The following SRGAP3 variants were observed in gnomAD, a reference collection of about 807,000 sequenced individuals.
SRGAP3 encodes the protein SLIT-ROBO Rho GTPase-activating protein 3.
In SRGAP3, 39 loss-of-function variants were observed where a neutral mutation model predicts 121.1. The observed-to-expected ratio is 0.32, with a 90% CI of 0.25 to 0.42. The LOEUF is 0.42. Among genes scored for constraint, SRGAP3 ranks in the 10% least tolerant of loss-of-function variants. The pLI is 1.00. For synonymous variants in SRGAP3, 601 were observed against 570.0 expected (o/e 1.05, Z -0.77); for missense variants, 1,213 against 1,470.6 (o/e 0.82, Z 2.86).
At position 9,334,538 on chromosome 3, in the gene SRGAP3, A is replaced by G. The variant is rs1297717726; in HGVS notation, n.215-3942T>C. On this transcript the variant is annotated intron_variant and non_coding_transcript_variant, in intron 1 of 3. Coordinates refer to the SRGAP3 transcript ENST00000490889. ...GGATACTATGGAAACAGAGTGGGTA[A>G]TAACATGAGTAATCATCTCTCATTA... 2.0e-5 allele frequency among the ~76,000 whole-genome samples: 3 copies of G among 152,244 alleles called. No individual in the cohort carries two copies. In the East Asian group the frequency reaches 5.8e-4, roughly 29 times the overall value.
chr3:9,092,141 C>T (rs927973323), intron 3 of SRGAP3, among the ~76,000 whole-genome samples: 1 of 152,078 alleles, frequency 6.6e-6, no homozygotes, highest in Non-Finnish European at 1.5e-5. Flanking sequence ...CAATTACTCC[C>T]AGGCTTACTT....
chr3:9,028,764 C>T (rs1944335535), intron 12 of SRGAP3, among the ~76,000 whole-genome samples: 1 of 152,148 alleles, frequency 6.6e-6, no homozygotes, highest in Non-Finnish European at 1.5e-5. Context: ...CTTGGGTATC[C>T]ACTTGGCTTT....
At chr3:9,305,871 C>T (rs958006064) in intron 3 of SRGAP3, among the ~76,000 whole-genome samples, 2 of 152,144 alleles carry the variant, frequency 1.3e-5, no homozygotes, top group African/African-American at 2.4e-5. Flanking sequence ...AATAAACATA[C>T]GTGTGCATGT....
intron 1 of SRGAP3, among the ~76,000 whole-genome samples, chr3:9,136,331 A>T (rs1949649967): frequency 7.3e-5 from 11 of 150,518 alleles, no homozygotes; most frequent in Admixed American, 5.3e-4. Flanking sequence ...CCGGGGCTGG[A>T]GGCAGCAGAT....
At chr3:9,129,818 G>A (rs1949376899) in intron 1 of SRGAP3, among the ~76,000 whole-genome samples, 1 of 151,272 alleles carries the variant, frequency 6.6e-6, no homozygotes, top group Non-Finnish European at 1.5e-5. Flanking sequence ...CTGGAGTGCA[G>A]TGGCGCCATC....
chr3:9,245,452 T>A (rs1953784710), intron 1 of SRGAP3, among the ~76,000 whole-genome samples: 1 of 152,290 alleles, frequency 6.6e-6, no homozygotes, highest in Non-Finnish European at 1.5e-5. Flanking sequence ...TGGTAAGTGG[T>A]AGCGAACCAT....
chr3:9,110,553 C>A (rs1001197798), intron 2 of SRGAP3, among the ~76,000 whole-genome samples: 15 of 152,224 alleles, frequency 9.9e-5, no homozygotes, highest in African/African-American at 2.9e-4. Flanking sequence ...GGTGGCGCCT[C>A]CCCTCCTGCT....
intron 1 of SRGAP3, among the ~76,000 whole-genome samples, chr3:9,156,050 C>T (rs2675180): frequency 0.44 from 66,798 of 151,552 alleles, 15,121 homozygotes; most frequent in Non-Finnish European, 0.49. Context: ...CTCCTGACCT[C>T]GTGATCCACC....
intron 1 of SRGAP3, among the ~76,000 whole-genome samples, chr3:9,126,517 C>G (rs571578651): frequency 7.1e-4 from 108 of 152,246 alleles, no homozygotes; most frequent in Non-Finnish European, 1.2e-3. Context: ...GGAGTCCCAG[C>G]TACTCTGGAG....
At chr3:9,273,376 T>C (rs572101704) in intron 3 of SRGAP3, among the ~76,000 whole-genome samples, 34 of 152,350 alleles carry the variant, frequency 2.2e-4, no homozygotes, top group African/African-American at 8.2e-4. Flanking sequence ...CATGTGCTTA[T>C]TGGACATTTA....
intron 1 of SRGAP3, among the ~76,000 whole-genome samples, chr3:9,133,714 G>A (rs971218463): frequency 2.6e-5 from 4 of 152,144 alleles, no homozygotes; most frequent in African/African-American, 9.7e-5. Flanking sequence ...TATATAATAA[G>A]TTCTTAAAGC....
At chr3:9,344,510 T>C (rs937224058) in intron 1 of SRGAP3, among the ~76,000 whole-genome samples, 3 of 151,986 alleles carry the variant, frequency 2.0e-5, no homozygotes, top group African/African-American at 7.3e-5. Flanking sequence ...CAGGCACCTA[T>C]AATCCCCAGT....
chr3:9,072,132 G>GTA (rs1946751190), intron 4 of SRGAP3, among the ~76,000 whole-genome samples: 1 of 152,176 alleles, frequency 6.6e-6, no homozygotes, highest in Non-Finnish European at 1.5e-5. Flanking sequence ...CAACCGGCCA[G>GTA]GCTCAGTGCA....
chr3:9,279,120 G>C (rs943000699), intron 3 of SRGAP3, among the ~76,000 whole-genome samples: 2 of 152,082 alleles, frequency 1.3e-5, no homozygotes, highest in African/African-American at 4.8e-5. Flanking sequence ...AAAAAAAAGG[G>C]GGGGATATAT....
intron 1 of SRGAP3, among the ~76,000 whole-genome samples, chr3:9,170,667 C>A (rs1057371822): frequency 2.6e-5 from 4 of 152,196 alleles, no homozygotes; most frequent in Non-Finnish European, 5.9e-5. Flanking sequence ...CCCAGCATAC[C>A]CTTTCCTCTG....
intron 1 of SRGAP3, among the ~76,000 whole-genome samples, chr3:9,243,650 G>T (rs1205846332): frequency 9.9e-6 from 1 of 101,130 alleles, no homozygotes; most frequent in Admixed American, 1.1e-4. Context: ...AAAAAAAAAA[G>T]AGAGAGAGAG....
intron 1 of SRGAP3, among the ~76,000 whole-genome samples, chr3:9,336,888 TTC>T (rs752928352): frequency 6.6e-5 from 10 of 151,854 alleles, no homozygotes; most frequent in Admixed American, 1.3e-4. Context: ...GGCTGCCAAT[TTC>T]TCTCTCTCTC....
chr3:9,076,043 G>T (rs764055111), intron 4 of SRGAP3, among the ~76,000 whole-genome samples: 4 of 152,296 alleles, frequency 2.6e-5, no homozygotes, highest in Middle Eastern at 3.4e-3. Context: ...ACTTGCTTTG[G>T]CCAATGGGAT....
At chr3:9,302,825 G>C (rs1955087900) in intron 3 of SRGAP3, among the ~76,000 whole-genome samples, 1 of 152,250 alleles carries the variant, frequency 6.6e-6, no homozygotes, top group East Asian at 1.9e-4. Context: ...GGGTACAAGG[G>C]GGAGAGGCTC....
Sources: gnomAD v4.1 joint callset for allele counts (sites outside exome capture counted in the v4.1 genomes callset) on GRCh38, gnomAD v4.1.1 for gene constraint, MANE v1.5 for transcripts, NCBI Gene and HGNC (gene_info 2026-07-23, HGNC 2026-07-21) for gene names.